Variants in CASR observed in about 807,000 individuals in gnomAD.
CASR encodes the protein calcium sensing receptor.
CASR carries 23 observed loss-of-function variants against 69.1 expected under a neutral mutation model. That is an observed-to-expected ratio of 0.33 (90% confidence interval 0.24 to 0.47). The LOEUF (loss-of-function observed/expected upper bound fraction) is 0.47. Ranked by LOEUF, CASR falls within the 20% of genes least tolerant of loss-of-function variation. CASR has a pLI of 1.00. For synonymous variants in CASR, 541 were observed against 544.7 expected, an observed-to-expected ratio of 0.99 and a Z score of 0.10; for missense variants, 924 against 1,356.1, an observed-to-expected ratio of 0.68 and a Z score of 5.00.
intron 1 of CASR, among the ~76,000 whole-genome samples, chr3:122,227,919 A>C (rs2074241101): frequency 6.7e-6 from 1 of 149,610 alleles, no homozygotes. Context: ...TAAATAAATA[A>C]ATCAATCCCT....
chr3:122,185,120 T>G (rs1415629589), intron 1 of CASR, among the ~76,000 whole-genome samples: 1 of 152,234 alleles, frequency 6.6e-6, no homozygotes, highest in Non-Finnish European at 1.5e-5. Flanking sequence ...TGGAGTCTTA[T>G]CATTATTTTA....
At chr3:122,243,024 C>A (rs2107615847) in intron 1 of CASR, among the ~76,000 whole-genome samples, 1 of 152,224 alleles carries the variant, frequency 6.6e-6, no homozygotes, top group African/African-American at 2.4e-5. Context: ...AAAATCAAAT[C>A]AAAATGGATT....
intron 1 of CASR, among the ~76,000 whole-genome samples, chr3:122,188,813 C>A (rs1055140349): frequency 8.5e-5 from 13 of 152,190 alleles, no homozygotes; most frequent in Non-Finnish European, 1.5e-4. Context: ...TAAGCACTAA[C>A]TGAGGTGTCC....
At chr3:122,210,637 C>G (rs939303095) in intron 1 of CASR, among the ~76,000 whole-genome samples, 1 of 152,094 alleles carries the variant, frequency 6.6e-6, no homozygotes, top group African/African-American at 2.4e-5. Context: ...TAGGAAGAAC[C>G]AATATCATGA....
In CASR at chr3:122,285,417, CATT is replaced by C; in HGVS notation, c.*227_*229del. 4 of 533,190 alleles carry C rather than the reference CATT, an allele frequency of 7.5e-6. No individual in the cohort carries two copies. Among genetic ancestry groups the C allele is most frequent in the Non-Finnish European group, 6.8e-6 (2 of 296,242 alleles). The allele number at this position is 533,190 out of a possible 1,614,324, so 33.0% of individuals were successfully genotyped here. On this transcript the variant is annotated 3_prime_UTR_variant, in exon 7 of 7. Coordinates refer to ENST00000639785, the MANE Select transcript of CASR (RefSeq NM_000388.4). The stretch of plus-strand genomic sequence containing the variant: ...GTTTCTGTGGTTGCATTTGTCAAAG[CATT>C]GAGATCTCCACGGTCAGATTTGCTG...
Position 122,284,142 on chromosome 3 carries a change from C to A in CASR, c.2188C>A (p.Leu730Ile), listed in dbSNP as rs1429327115. Residue 730 changes from leucine to isoleucine, a missense_variant, in exon 7 of 7, where the codon CTC becomes ATC. Transcript: ENST00000639785. Reference sequence around the variant, plus strand: ...CAACCTGCAGTTCCTGCTGGTTTTCCTCTGCACCTTCATGCAGATTGTCAT... The same window carrying A: ...CAACCTGCAGTTCCTGCTGGTTTTCATCTGCACCTTCATGCAGATTGTCAT... ...GLNLQFLLVF[L>I]CTFMQIVICV... The A allele has an allele frequency of 6.2e-7, 1 of 1,613,714 alleles. No individual in the cohort carries two copies. The highest frequency in any genetic ancestry group is 1.1e-5 in the South Asian group (1 of 91,066).
intron 1 of CASR, among the ~76,000 whole-genome samples, chr3:122,210,122 G>A (rs947623289): frequency 6.6e-6 from 1 of 152,112 alleles, no homozygotes; most frequent in African/African-American, 2.4e-5. Flanking sequence ...CAAACCCACA[G>A]CCAATATCAT....
intron 1 of CASR, among the ~76,000 whole-genome samples, chr3:122,212,411 T>G (rs2074077539): frequency 1.3e-5 from 2 of 152,008 alleles, no homozygotes; most frequent in African/African-American, 4.8e-5. Context: ...CCTGTGGAAG[T>G]TGGGGTCAGG....
chr3:122,189,386 T>A (rs1039325305), intron 1 of CASR, among the ~76,000 whole-genome samples: 8 of 152,256 alleles, frequency 5.3e-5, no homozygotes, highest in Admixed American at 6.5e-5. Context: ...TTGGCTCAGT[T>A]AATCCCCAGG....
At chr3:122,253,576 G>A (rs1279840341) in intron 1 of CASR, among the ~76,000 whole-genome samples, 1 of 152,148 alleles carries the variant, frequency 6.6e-6, no homozygotes, top group East Asian at 1.9e-4. Flanking sequence ...CTTACATGCT[G>A]AATAAAATAT....
chr3:122,201,214 G>A (rs556906749), intron 1 of CASR, among the ~76,000 whole-genome samples: 188 of 152,186 alleles, frequency 1.2e-3, no homozygotes, highest in Non-Finnish European at 1.5e-4. Flanking sequence ...CAACGAGCAT[G>A]TTGCCTTCAA....
chr3:122,268,038 G>A (rs1025451893), intron 4 of CASR, among the ~76,000 whole-genome samples: 2 of 152,208 alleles, frequency 1.3e-5, no homozygotes, highest in African/African-American at 4.8e-5. Flanking sequence ...GTAGTATAGT[G>A]TAATGGTTAA....
In CASR at chr3:122,285,270, C is replaced by A; in HGVS notation, c.*79C>A. 1 of 1,314,138 alleles carries A rather than the reference C, an allele frequency of 7.6e-7. No individual in the cohort carries two copies. The highest frequency in any genetic ancestry group is 1.1e-6 in the Non-Finnish European group (1 of 911,892). The allele number at this position is 1,314,138 out of a possible 1,614,324, so 81.4% of individuals were successfully genotyped here. A position where few individuals can be genotyped will look rare whatever the true frequency, so the allele number is the denominator to read the frequency against. The stretch of plus-strand genomic sequence containing the variant: ...CAGGGAAGAGGAATCGCCCCAGACT[C>A]CTTTCCTCTGAGGAAGAAGGGATAA... On this transcript the variant is annotated 3_prime_UTR_variant, in exon 7 of 7. Coordinates refer to ENST00000639785, the MANE Select transcript of CASR (RefSeq NM_000388.4).
chr3:122,226,121 G>T (rs1399077412), intron 1 of CASR, among the ~76,000 whole-genome samples: 1 of 152,166 alleles, frequency 6.6e-6, no homozygotes, highest in East Asian at 1.9e-4. Context: ...TGGGCTCTTG[G>T]TCTCACTGAC....
At chr3:122,232,096 T>C (rs1350482759) in intron 1 of CASR, among the ~76,000 whole-genome samples, 3 of 152,168 alleles carry the variant, frequency 2.0e-5, no homozygotes, top group African/African-American at 7.2e-5. Context: ...ATTCTTTCCT[T>C]GCAACTGGAC....
At chr3:122,268,736 G>C (rs2074721996) in intron 4 of CASR, among the ~76,000 whole-genome samples, 1 of 152,126 alleles carries the variant, frequency 6.6e-6, no homozygotes. Flanking sequence ...AATGAATAAA[G>C]AAAGAAAATG....
At chr3:122,276,766 C>G (rs145230092) in intron 5 of CASR, among the ~76,000 whole-genome samples, 1 of 152,316 alleles carries the variant, frequency 6.6e-6, no homozygotes, top group East Asian at 1.9e-4. Flanking sequence ...GCTTGTGTGT[C>G]TGAGTATCAC....
In CASR at chr3:122,262,154, T is replaced by C. The variant is rs772729735; in HGVS notation, c.1119T>C (p.Phe373=). 1.2e-6 allele frequency: 2 copies of C among 1,614,162 alleles called. No individual in the cohort carries two copies. Among genetic ancestry groups the C allele is most frequent in the Non-Finnish European group, 1.7e-6 (2 of 1,180,018 alleles). Residue 373 remains phenylalanine, a synonymous_variant, in exon 4 of 7, where the codon TTT becomes TTC. Transcript: ENST00000639785. ...GAKGPLPVDT[F]LRGHEESGDR... is the part of the protein sequence containing the mutation. ...AAGGACCTTTACCTGTGGACACCTT[T>C]CTGAGAGGTCACGAAGAAAGTGGCG...
chr3:122,195,753 T>C (rs1346615606), intron 1 of CASR, among the ~76,000 whole-genome samples: 1 of 152,194 alleles, frequency 6.6e-6, no homozygotes, highest in Admixed American at 6.5e-5. Context: ...CAACCTAGAT[T>C]CAAAATCAGT....
Sources: allele counts gnomAD v4.1 joint callset (sites outside exome capture counted in the v4.1 genomes callset), GRCh38; gene constraint gnomAD v4.1.1; transcripts MANE v1.5; gene names NCBI Gene and HGNC (gene_info 2026-07-23, HGNC 2026-07-21).